The following ZC3H4 variants were observed in gnomAD, a reference collection of about 807,000 sequenced individuals.
ZC3H4 encodes zinc finger CCCH-type containing 4.
A neutral mutation model predicts 108.3 loss-of-function variants in ZC3H4; 13 were observed. The ratio of observed to expected loss-of-function variants is 0.12; its 90% CI spans 0.08 to 0.19. The LOEUF is 0.19. ZC3H4 is among the 10% of genes least tolerant of loss of function. The pLI is 1.00. For synonymous variants in ZC3H4, 917 were observed against 749.6 expected, an observed-to-expected ratio of 1.22 and a Z score of -3.65; for missense variants, 1,734 against 1,838.8, an observed-to-expected ratio of 0.94 and a Z score of 1.04.
intron 5 of ZC3H4, among the ~76,000 whole-genome samples, chr19:47,087,567 C>T (rs1308767906): frequency 6.9e-6 from 1 of 144,152 alleles, no homozygotes; most frequent in Non-Finnish European, 1.5e-5. Flanking sequence ...AAACCTCATC[C>T]CTCATCTCTA....
At chr19:47,097,825 AGAAAAGCCTGCCGT>A (rs1338223837) in intron 2 of ZC3H4, among the ~76,000 whole-genome samples, 1 of 152,180 alleles carries the variant, frequency 6.6e-6, no homozygotes, top group Non-Finnish European at 1.5e-5. Flanking sequence ...AGCAAGCAGG[AGAAAAGCCTGCCGT>A]GGCGGCCTGT....
In ZC3H4 at chr19:47,072,048, C is replaced by A. The variant is rs1237805753; in HGVS notation, c.1876G>T (p.Gly626Cys). Residue 626 changes from glycine to cysteine, a missense_variant, in exon 13 of 15, where the codon GGT (glycine) becomes TGT (cysteine). Gly to Cys is a radical substitution (Grantham distance 159, BLOSUM62 -3). This residue lies in a region of ZC3H4 where 540 missense variants were observed against 484.1 expected (regional missense o/e 1.12). Transcript: ENST00000253048. This position sits in a 1 kb window ranked among gnomAD's most constrained non-coding sequence, Gnocchi z 5.6. The part of the protein sequence containing the change: ...PNMGPPGPMG[G>C]PMHPDMHPDM... ...GGGTGCATGTCAGGATGCATTGGAC[C>A]GCCCATTGGCCCTGGGGGTCCCATG... is the stretch of plus-strand genomic sequence containing the variant. The A allele has an allele frequency of 3.2e-6, 5 of 1,584,374 alleles. No homozygotes were observed. The highest frequency in any genetic ancestry group is 1.3e-5 in the African/African-American group (1 of 74,196).
At position 47,071,871 on chromosome 19, in the gene ZC3H4, T is replaced by G; in HGVS notation, c.2053A>C (p.Met685Leu). Residue 685 changes from methionine (M) to leucine (L), a missense_variant, in exon 13 of 15, where the codon ATG becomes CTG. This residue lies in a region of ZC3H4 where 540 missense variants were observed against 484.1 expected (regional missense o/e 1.12). Coordinates refer to ENST00000253048, the MANE Select transcript of ZC3H4 (RefSeq NM_015168.2). ...TTCTGGGCTGGCGGGATAGGGGGCATCATTCCAGAATGTGGGGAGTCTCCA... is the reference window on the plus strand; with the variant it reads ...TTCTGGGCTGGCGGGATAGGGGGCAGCATTCCAGAATGTGGGGAGTCTCCA... ...GPGDSPHSGM[M>L]PPIPPAQNFY... 6.2e-7 allele frequency: 1 copy of G among 1,613,390 alleles called. No individual in the cohort carries two copies. The highest frequency in any genetic ancestry group is 1.1e-5 in the South Asian group (1 of 91,000).
rs988482092 is a variant in ZC3H4, at chr19:47,085,430, G to C, written c.871-16C>G. The C allele has an allele frequency of 6.5e-7, 1 of 1,545,942 alleles. No individual in the cohort carries two copies. The highest frequency in any genetic ancestry group is 8.7e-7 in the Non-Finnish European group (1 of 1,147,810). On this transcript the variant is annotated splice_polypyrimidine_tract_variant and intron_variant, in intron 6 of 14. Transcript: ENST00000253048. ...TCTCTCCATACTGGAATGCGCAGAG[G>C]AGAGGGCAGGAGAGCGTCAGGTAGG...
chr19:47,102,230 A>G (rs2057912966), intron 2 of ZC3H4, among the ~76,000 whole-genome samples: 1 of 152,214 alleles, frequency 6.6e-6, no homozygotes, highest in Non-Finnish European at 1.5e-5. Flanking sequence ...GGGTCACAGC[A>G]GGAAGAAGCA....
chr19:47,103,938 C>T (rs1213109760), intron 2 of ZC3H4, among the ~76,000 whole-genome samples: 1 of 150,308 alleles, frequency 6.7e-6, no homozygotes, highest in Non-Finnish European at 1.5e-5. Flanking sequence ...AGCGAGACTC[C>T]GTCTTAAAAA....
intron 2 of ZC3H4, among the ~76,000 whole-genome samples, chr19:47,108,354 C>A (rs1368488430): frequency 6.6e-6 from 1 of 152,114 alleles, no homozygotes; most frequent in East Asian, 1.9e-4. Flanking sequence ...GAAATAGTTT[C>A]ATTAGCAATT....
chr19:47,097,771 G>T (rs995700836), intron 2 of ZC3H4, among the ~76,000 whole-genome samples: 1 of 152,070 alleles, frequency 6.6e-6, no homozygotes, highest in African/African-American at 2.4e-5. Flanking sequence ...AAGCCCCACC[G>T]CGCTAATCAT....
At chr19:47,105,310 T>G (rs1226353552) in intron 2 of ZC3H4, among the ~76,000 whole-genome samples, 2 of 152,134 alleles carry the variant, frequency 1.3e-5, no homozygotes. Context: ...CCAATAAACT[T>G]TACCTACTGG....
In ZC3H4 at chr19:47,071,905, G is replaced by C. The variant is rs755125637; in HGVS notation, c.2019C>G (p.Pro673=). The change falls in exon 13 of 15, where the codon CCC becomes CCG. Residue 673 remains proline (P), a synonymous_variant. Coordinates refer to ENST00000253048, the MANE Select transcript of ZC3H4 (RefSeq NM_015168.2). ...AATGTGGGGAGTCTCCAGGGCCGTA[G>C]GGCATCATTGGAGGGCCGCCAGGGC... ...PMGPGGPPMM[P]YGPGDSPHSG... is the part of the protein sequence containing the mutation. 2 of 1,612,518 alleles carry C rather than the reference G, an allele frequency of 1.2e-6. No individual in the cohort carries two copies. Among genetic ancestry groups the C allele is most frequent in the East Asian group, 2.2e-5 (1 of 44,862 alleles).
intron 11 of ZC3H4, among the ~76,000 whole-genome samples, chr19:47,076,509 T>C (rs1366154644): frequency 6.6e-6 from 1 of 151,970 alleles, no homozygotes; most frequent in Non-Finnish European, 1.5e-5. Context: ...ATGGAATGGG[T>C]TTCCTAGATC....
chr19:47,112,346 A>G, intron 2 of ZC3H4, 78 bp downstream of exon 2: 5 of 1,214,206 alleles, frequency 4.1e-6, no homozygotes, highest in Non-Finnish European at 5.1e-6. Flanking sequence ...GCCCGGCCCA[A>G]CATGGCGGCC....
chr19:47,111,101 A>C, intron 2 of ZC3H4: 1 of 162,014 alleles, frequency 6.2e-6, no homozygotes, highest in Non-Finnish European at 1.3e-5. Context: ...CGGAGTAGCC[A>C]TCTGTCCAGA....
chr19:47,100,958 A>G (rs1862006751), intron 2 of ZC3H4, among the ~76,000 whole-genome samples: 1 of 152,028 alleles, frequency 6.6e-6, no homozygotes, highest in Admixed American at 6.6e-5. Flanking sequence ...TCAGCCTCCC[A>G]AAGTGCTGGG....
chr19:47,096,410 G>C (rs1362428547), intron 2 of ZC3H4, among the ~76,000 whole-genome samples: 4 of 152,240 alleles, frequency 2.6e-5, no homozygotes, highest in Non-Finnish European at 5.9e-5. Flanking sequence ...GAAACCAGGC[G>C]TGGAGCAAAG....
chr19:47,068,011 C>T, intron 14 of ZC3H4, 142 bp from the exon 15 acceptor site: 1 of 819,640 alleles, frequency 1.2e-6, no homozygotes, highest in Non-Finnish European at 1.9e-6. Flanking sequence ...GGCTCCCTCC[C>T]CACAGTGGGC....
intron 2 of ZC3H4, among the ~76,000 whole-genome samples, chr19:47,105,355 C>T (rs771427336): frequency 3.3e-5 from 5 of 152,214 alleles, no homozygotes; most frequent in Non-Finnish European, 7.3e-5. Flanking sequence ...AATCCTATCA[C>T]TTTGGGAGGC....
chr19:47,096,147 T>G (rs1206748599), intron 2 of ZC3H4, among the ~76,000 whole-genome samples: 5 of 152,110 alleles, frequency 3.3e-5, no homozygotes, highest in Non-Finnish European at 7.4e-5. Context: ...CACTCCCAGT[T>G]CAAAGGGGAT....
chr19:47,066,491 C>A lies in ZC3H4; in HGVS notation c.3777G>T (p.Val1259=). 6.3e-7 allele frequency: 1 copy of A among 1,582,134 alleles called. No homozygotes were observed. The highest frequency in any genetic ancestry group is 1.7e-5 in the Admixed American group (1 of 57,360). Residue 1259 remains valine, a synonymous_variant, in exon 15 of 15, where the codon GTG becomes GTT. Coordinates refer to ENST00000253048, the MANE Select transcript of ZC3H4 (RefSeq NM_015168.2). ...NLPVPTLFGT[V]KQTPKTGSGS... ...CTGAGCCCGTCTTGGGTGTCTGCTT[C>A]ACCGTCCCGAAGAGGGTGGGCACGG...
Sources: gnomAD v4.1 joint callset for allele counts (sites outside exome capture counted in the v4.1 genomes callset) on GRCh38, gnomAD v4.1.1 for gene constraint, gnomAD v4.1.1 regional missense constraint, Gnocchi (gnomAD v3.1) non-coding constraint, MANE v1.5 for transcripts, NCBI Gene and HGNC (gene_info 2026-07-23, HGNC 2026-07-21) for gene names.